Variants in DGKI observed in about 807,000 individuals in gnomAD.
DGKI encodes the protein DAG kinase iota.
Under a neutral mutation model 147.5 loss-of-function variants are expected in DGKI, and 55 were observed. The ratio of observed to expected loss-of-function variants is 0.37; its 90% CI spans 0.30 to 0.47. DGKI has a LOEUF of 0.47. Among genes scored for constraint, DGKI ranks in the 20% least tolerant of loss-of-function variants. The pLI is 1.00. For synonymous variants in DGKI, 469 were observed against 477.1 expected (o/e 0.98, Z 0.22); for missense variants, 1,007 against 1,323.8 (o/e 0.76, Z 3.71).
At chr7:137,531,333 T>C (rs1817331152) in intron 20 of DGKI, among the ~76,000 whole-genome samples, 1 of 152,208 alleles carries the variant, frequency 6.6e-6, no homozygotes, top group Non-Finnish European at 1.5e-5. Flanking sequence ...ATCCATGTAA[T>C]GAAGGTTTCC....
intron 17 of DGKI, among the ~76,000 whole-genome samples, chr7:137,576,910 C>T (rs1819000934): frequency 6.6e-6 from 1 of 152,140 alleles, no homozygotes; most frequent in Admixed American, 6.5e-5. Context: ...TATCACTTCT[C>T]CCTTTGTGCC....
intron 26 of DGKI, 60 bp downstream of exon 26, chr7:137,465,848 C>T (rs1814632821): frequency 8.3e-6 from 13 of 1,564,520 alleles, no homozygotes; most frequent in Middle Eastern, 2.2e-4. Context: ...AGTTCAAAGG[C>T]GAACCAGACA....
chr7:137,693,230 C>T (rs1823671011), intron 1 of DGKI, among the ~76,000 whole-genome samples: 1 of 152,048 alleles, frequency 6.6e-6, no homozygotes, highest in African/African-American at 2.4e-5. Context: ...TTTTATGCTG[C>T]AATTTGCTCC....
chr7:137,510,931 C>A (rs1420391915), intron 21 of DGKI, among the ~76,000 whole-genome samples: 2 of 152,204 alleles, frequency 1.3e-5, no homozygotes, highest in African/African-American at 4.8e-5. Flanking sequence ...CAGCTGACAG[C>A]CTGGGGACAT....
chr7:137,391,922 T>C (rs574292863), intron 32 of DGKI, among the ~76,000 whole-genome samples: 2 of 152,300 alleles, frequency 1.3e-5, no homozygotes, highest in South Asian at 4.1e-4. Flanking sequence ...GTGGTAGATA[T>C]TGATTAAAGA....
intron 6 of DGKI, among the ~76,000 whole-genome samples, chr7:137,638,422 GAAC>G (rs1314028423): frequency 3.4e-5 from 4 of 118,364 alleles, no homozygotes; most frequent in Non-Finnish European, 5.1e-5. Flanking sequence ...TATCTGGCAA[GAAC>G]AACTATATAT....
chr7:137,474,851 G>A (rs775814589), intron 23 of DGKI, among the ~76,000 whole-genome samples: 1 of 152,078 alleles, frequency 6.6e-6, no homozygotes, highest in Non-Finnish European at 1.5e-5. Flanking sequence ...CAATCCTGGC[G>A]CCCTACCCGC....
chr7:137,391,030 C>A lies in DGKI; in HGVS notation c.*190G>T. The stretch of plus-strand genomic sequence containing the variant: ...AAATCTCCAGGTATCCTGCCTCCTT[C>A]TCAATGGGCTATCATGTTCTGTTGT... On this transcript the variant is annotated 3_prime_UTR_variant, in exon 33 of 33. Transcript: ENST00000614521. The A allele has an allele frequency of 6.9e-6, 4 of 581,806 alleles. No homozygotes were observed. The highest frequency in any genetic ancestry group is 1.2e-5 in the Non-Finnish European group (4 of 328,396). 36.0% of individuals were successfully genotyped at this position (581,806 alleles called of 1,614,324 possible). A position where few individuals can be genotyped will look rare whatever the true frequency, so the allele number is the denominator to read the frequency against.
chr7:137,527,107 G>A (rs1042001474), intron 20 of DGKI, among the ~76,000 whole-genome samples: 2 of 152,138 alleles, frequency 1.3e-5, no homozygotes, highest in East Asian at 1.9e-4. Flanking sequence ...TGGTCAGAAC[G>A]CTAAAGTTAC....
chr7:137,823,630 G>A (rs151239786), intron 1 of DGKI, among the ~76,000 whole-genome samples: 81 of 152,300 alleles, frequency 5.3e-4, no homozygotes, highest in African/African-American at 1.8e-3. Context: ...GAGGTGTGAC[G>A]CTTAGGAAAT....
intron 1 of DGKI, among the ~76,000 whole-genome samples, chr7:137,828,057 G>T (rs578205031): frequency 1.1e-3 from 164 of 152,178 alleles, no homozygotes; most frequent in South Asian, 2.1e-3. Context: ...CCCGCTGACC[G>T]CCCGCTCTCT....
chr7:137,826,270 C>G (rs1798055157), intron 1 of DGKI, among the ~76,000 whole-genome samples: 1 of 152,188 alleles, frequency 6.6e-6, no homozygotes, highest in Non-Finnish European at 1.5e-5. Flanking sequence ...GAGCGTGAGC[C>G]AGCTCTCAGG....
intron 6 of DGKI, 76 bp downstream of exon 6, chr7:137,645,396 C>G (rs1821788733): frequency 7.9e-7 from 1 of 1,264,656 alleles, no homozygotes; most frequent in Admixed American, 2.1e-5. Flanking sequence ...GATTTGGGGA[C>G]AGGACTCATC....
chr7:137,676,512 G>C (rs1823043757), intron 3 of DGKI, among the ~76,000 whole-genome samples: 1 of 152,076 alleles, frequency 6.6e-6, no homozygotes, highest in Admixed American at 6.5e-5. Flanking sequence ...AAGAAACTGA[G>C]CTTCAAGAAA....
chr7:137,785,309 C>T lies in DGKI; in HGVS notation c.401+61153G>A, dbSNP rs1251068595. ...AAATGGGAGATATTACAACTAATAC[C>T]ACAGAAATACAAGGCTACTATGAAC... On this transcript the variant is annotated intron_variant, in intron 1 of 32. Coordinates refer to ENST00000614521, the MANE Select transcript of DGKI (RefSeq NM_001321708.2). Among the ~76,000 whole-genome samples the T allele has an allele frequency of 3.3e-5, 5 of 149,694 alleles. No homozygotes were observed. The East Asian group carries it at 9.8e-4, about 29-fold the overall frequency.
At chr7:137,560,523 C>A (rs533404637) in intron 19 of DGKI, among the ~76,000 whole-genome samples, 2 of 152,196 alleles carry the variant, frequency 1.3e-5, no homozygotes, top group African/African-American at 4.8e-5. Flanking sequence ...CCACTACAAC[C>A]ACCAAAAATG....
intron 5 of DGKI, among the ~76,000 whole-genome samples, chr7:137,652,559 A>G (rs1434753837): frequency 6.6e-6 from 1 of 152,032 alleles, no homozygotes; most frequent in East Asian, 1.9e-4. Context: ...CACTGTCTGC[A>G]CTCTGGGTGG....
At chr7:137,719,813 T>G (rs1794490728) in intron 1 of DGKI, among the ~76,000 whole-genome samples, 1 of 152,046 alleles carries the variant, frequency 6.6e-6, no homozygotes, top group South Asian at 2.1e-4. Flanking sequence ...CAATAGTAAA[T>G]TTTACCACTG....
At chr7:137,395,064 T>G (rs775219440) in intron 32 of DGKI, among the ~76,000 whole-genome samples, 19 of 152,280 alleles carry the variant, frequency 1.2e-4, no homozygotes, top group Non-Finnish European at 2.6e-4. Context: ...TGGAAAGAAT[T>G]TTTTAAAAAT....
Sources: gnomAD v4.1 joint callset for allele counts (sites outside exome capture counted in the v4.1 genomes callset) on GRCh38, gnomAD v4.1.1 for gene constraint, MANE v1.5 for transcripts, NCBI Gene and HGNC (gene_info 2026-07-23, HGNC 2026-07-21) for gene names.